SUSD1: variants seen among roughly 807,000 people sequenced by gnomAD.
SUSD1 encodes sushi domain-containing protein 1.
A neutral mutation model predicts 86.9 loss-of-function variants in SUSD1; 65 were observed. The observed-to-expected ratio is 0.75, with a 90% CI of 0.61 to 0.92. The LOEUF (loss-of-function observed/expected upper bound fraction) is 0.92, where lower values mean the gene tolerates loss of function less well. Among genes scored for constraint, SUSD1 ranks in the 40% least tolerant of loss-of-function variants. The pLI, the probability that SUSD1 is intolerant of heterozygous loss-of-function variation, is 0.00. For missense variants in SUSD1, 850 were observed against 929.7 expected, an observed-to-expected ratio of 0.91 and a Z score of 1.11; for synonymous variants, 346 against 350.0, an observed-to-expected ratio of 0.99 and a Z score of 0.13.
intron 12 of SUSD1, among the ~76,000 whole-genome samples, chr9:112,070,166 C>T (rs567430282): frequency 7.2e-4 from 110 of 152,120 alleles, no homozygotes; most frequent in Middle Eastern, 6.8e-3. Context: ...CCACCACACA[C>T]GGCTGATTTT....
chr9:112,067,001 G>A (rs534284470), intron 12 of SUSD1, among the ~76,000 whole-genome samples: 36 of 152,118 alleles, frequency 2.4e-4, no homozygotes, highest in Non-Finnish European at 4.0e-4. Flanking sequence ...TCAGCCTCCC[G>A]AGTAGCTGGG....
At chr9:112,156,210 TC>T (rs1264765280) in intron 2 of SUSD1, among the ~76,000 whole-genome samples, 9 of 151,462 alleles carry the variant, frequency 5.9e-5, no homozygotes, top group African/African-American at 1.7e-4. Flanking sequence ...ACGCTTGTAA[TC>T]CCAGCACTTT....
chr9:112,111,272 G>C (rs904715733), intron 8 of SUSD1, among the ~76,000 whole-genome samples: 29 of 152,182 alleles, frequency 1.9e-4, no homozygotes, highest in African/African-American at 6.8e-4. Context: ...GGGATTATAG[G>C]CGTGAGCCAC....
At chr9:112,086,914 T>C (rs1830009615) in intron 10 of SUSD1, among the ~76,000 whole-genome samples, 1 of 151,750 alleles carries the variant, frequency 6.6e-6, no homozygotes, top group Non-Finnish European at 1.5e-5. Context: ...GAAATCTTGT[T>C]AACCATCCTA....
chr9:112,048,086 G>A (rs1211986871), intron 15 of SUSD1, among the ~76,000 whole-genome samples: 1 of 152,138 alleles, frequency 6.6e-6, no homozygotes, highest in Non-Finnish European at 1.5e-5. Context: ...TCAAGCTGCA[G>A]GAGAATTTCC....
chr9:112,167,222 A>G (rs10733582), intron 1 of SUSD1, among the ~76,000 whole-genome samples: 127,078 of 151,878 alleles, frequency 0.84, 53,545 homozygotes, highest in African/African-American at 0.94. Context: ...TCAGCCTCCC[A>G]AGTAGCTGGG....
chr9:112,171,898 A>C (rs1834060755), intron 1 of SUSD1, among the ~76,000 whole-genome samples: 1 of 152,132 alleles, frequency 6.6e-6, no homozygotes, highest in African/African-American at 2.4e-5. Context: ...ATTTCTTTAA[A>C]GAGTATCTAC....
chr9:112,041,375 C>T lies in SUSD1; in HGVS notation c.*117G>A. On this transcript the variant is annotated 3_prime_UTR_variant, in exon 17 of 17. Transcript: ENST00000374270. ...GCCCAGCTGGGAATGGAGAAAGTTG[C>T]AGGCCCACATGCTCCCTGGACGGAA... The T allele has an allele frequency of 1.3e-6, 1 of 761,448 alleles. No individual in the cohort carries two copies. Among genetic ancestry groups the T allele is most frequent in the East Asian group, 2.5e-5 (1 of 40,776 alleles). The allele number at this position is 761,448 out of a possible 1,614,324, so 47.2% of individuals were successfully genotyped here.
intron 11 of SUSD1, 92 bp from the exon 12 acceptor site, chr9:112,078,816 T>TTC: frequency 1.9e-6 from 2 of 1,028,014 alleles, no homozygotes; most frequent in Non-Finnish European, 2.7e-6. Context: ...TTTCTCTTTT[T>TTC]TTTTTTTTTT....
intron 13 of SUSD1, among the ~76,000 whole-genome samples, chr9:112,059,486 C>T (rs958032021): frequency 3.9e-5 from 6 of 152,328 alleles, no homozygotes; most frequent in African/African-American, 1.2e-4. Context: ...TGAAACAGAA[C>T]TCATGTGATT....
intron 9 of SUSD1, among the ~76,000 whole-genome samples, chr9:112,099,649 A>G (rs1830544052): frequency 6.6e-6 from 1 of 152,184 alleles, no homozygotes; most frequent in South Asian, 2.1e-4. Flanking sequence ...AAGGTCCTAT[A>G]AGTAATATGA....
chr9:112,130,779 T>G (rs987803013), intron 5 of SUSD1, among the ~76,000 whole-genome samples: 4 of 151,356 alleles, frequency 2.6e-5, no homozygotes, highest in Non-Finnish European at 4.4e-5. Flanking sequence ...ATCCCAGCAC[T>G]TTGGAAAGCT....
At chr9:112,155,017 G>C (rs1302058851) in intron 2 of SUSD1, among the ~76,000 whole-genome samples, 1 of 152,090 alleles carries the variant, frequency 6.6e-6, no homozygotes, top group Non-Finnish European at 1.5e-5. Flanking sequence ...TTGGGAGTCT[G>C]AGGCAGGCAG....
At chr9:112,045,817 A>G (rs1827931892) in intron 15 of SUSD1, among the ~76,000 whole-genome samples, 1 of 152,226 alleles carries the variant, frequency 6.6e-6, no homozygotes, top group Non-Finnish European at 1.5e-5. Context: ...ATCTCATGTG[A>G]AAATTGTATG....
intron 3 of SUSD1, among the ~76,000 whole-genome samples, chr9:112,148,073 G>A (rs528826952): frequency 1.7e-4 from 26 of 152,288 alleles, no homozygotes; most frequent in African/African-American, 5.3e-4. Flanking sequence ...AAGAACCTAC[G>A]GTTCCTGGTA....
intron 15 of SUSD1, among the ~76,000 whole-genome samples, chr9:112,047,740 T>C (rs1280509703): frequency 6.6e-6 from 1 of 152,170 alleles, no homozygotes; most frequent in East Asian, 1.9e-4. Context: ...TCCTAGACTC[T>C]TTCTTGCTTC....
intron 10 of SUSD1, among the ~76,000 whole-genome samples, chr9:112,095,384 A>G (rs1476606069): frequency 6.6e-6 from 1 of 152,262 alleles, no homozygotes; most frequent in African/African-American, 2.4e-5. Flanking sequence ...GGGACCTTGA[A>G]CATTGCAGGC....
intron 12 of SUSD1, among the ~76,000 whole-genome samples, chr9:112,075,380 A>G (rs2131545333): frequency 6.6e-6 from 1 of 152,302 alleles, no homozygotes; most frequent in East Asian, 1.9e-4. Context: ...GTCTTCAGGA[A>G]GCTCCTATTT....
intron 5 of SUSD1, among the ~76,000 whole-genome samples, chr9:112,132,620 A>G (rs184721277): frequency 1.0e-3 from 159 of 152,304 alleles, no homozygotes; most frequent in African/African-American, 3.6e-3. Flanking sequence ...TACGTTCCAA[A>G]TCAGATAATT....
Sources: allele counts gnomAD v4.1 joint callset (sites outside exome capture counted in the v4.1 genomes callset), GRCh38; gene constraint gnomAD v4.1.1; transcripts MANE v1.5; gene names NCBI Gene and HGNC (gene_info 2026-07-23, HGNC 2026-07-21).